ASH1L: variants seen among roughly 807,000 people sequenced by gnomAD.
ASH1L encodes histone-lysine N-methyltransferase ASH1L.
In ASH1L, 23 loss-of-function variants were observed where a neutral mutation model predicts 269.0. The observed-to-expected ratio is 0.09, with a 90% CI of 0.06 to 0.12. ASH1L has a LOEUF of 0.12. Among genes scored for constraint, ASH1L ranks in the 10% least tolerant of loss-of-function variants. ASH1L has a pLI of 1.00. For missense variants in ASH1L, 2,912 were observed against 3,567.8 expected, an observed-to-expected ratio of 0.82 and a Z score of 4.68; for synonymous variants, 1,187 against 1,253.5, an observed-to-expected ratio of 0.95 and a Z score of 1.12.
chr1:155,482,075 T>C lies in ASH1L; in HGVS notation c.795A>G (p.Ile265Met). Reference protein sequence around the residue: ...RKAGVGSVAGIIHKDLIKKPT... With the variant: ...RKAGVGSVAGMIHKDLIKKPT... ...GCTTTTTTATTAAGTCCTTATGTAT[T>C]ATTCCAGCTACAGAGCCAACACCTG... Residue 265 changes from isoleucine to methionine, a missense_variant, in exon 3 of 28, where the codon ATA becomes ATG. Ile to Met is a conservative substitution (Grantham distance 10). Coordinates refer to ENST00000392403, the MANE Select transcript of ASH1L (RefSeq NM_018489.3). 1 of 1,614,130 alleles carries C rather than the reference T, an allele frequency of 6.2e-7. No homozygotes were observed. Among genetic ancestry groups the C allele is most frequent in the Non-Finnish European group, 8.5e-7 (1 of 1,180,016 alleles).
intron 26 of ASH1L, among the ~76,000 whole-genome samples, 168 bp downstream of exon 26, chr1:155,339,160 A>G (rs555494540): frequency 1.2e-4 from 19 of 152,360 alleles, no homozygotes; most frequent in Non-Finnish European, 2.4e-4. Flanking sequence ...TAATGGGACC[A>G]CATCTACTGA....
At chr1:155,387,598 T>C (rs151245542) in intron 7 of ASH1L, among the ~76,000 whole-genome samples, 8 of 152,340 alleles carry the variant, frequency 5.3e-5, no homozygotes, top group African/African-American at 1.9e-4. Flanking sequence ...TTTTTGTGTG[T>C]AGGATTGCCT....
At chr1:155,352,669 A>G in intron 17 of ASH1L, 37 bp downstream of exon 17, 1 of 1,549,366 alleles carries the variant, frequency 6.5e-7, no homozygotes, top group Non-Finnish European at 8.7e-7. Context: ...AAAAAGAAAA[A>G]GAAAAAAAGA....
At chr1:155,365,053 C>G (rs1050339469) in intron 12 of ASH1L, among the ~76,000 whole-genome samples, 2 of 151,056 alleles carry the variant, frequency 1.3e-5, no homozygotes, top group African/African-American at 4.9e-5. Flanking sequence ...TGTGTTCTTT[C>G]TTGTGCGAGA....
At chr1:155,394,173 T>C (rs754556470) in intron 7 of ASH1L, among the ~76,000 whole-genome samples, 8 of 152,138 alleles carry the variant, frequency 5.3e-5, no homozygotes, top group Non-Finnish European at 7.4e-5. Flanking sequence ...AAAAGAGCTT[T>C]TCAGGCAATG....
chr1:155,510,430 A>C (rs1490274594), intron 2 of ASH1L, among the ~76,000 whole-genome samples: 1 of 151,130 alleles, frequency 6.6e-6, no homozygotes, highest in Non-Finnish European at 1.5e-5. Context: ...AAAAAAAAAA[A>C]AAAAAAATTA....
At chr1:155,416,025 A>T (rs1660178985) in intron 5 of ASH1L, 102 bp from the exon 6 acceptor site, 6 of 940,450 alleles carry the variant, frequency 6.4e-6, no homozygotes, top group Non-Finnish European at 9.1e-6. Context: ...AAAAAAAGAG[A>T]TATGGGGACT....
chr1:155,454,847 T>A (rs1663764999), intron 4 of ASH1L, among the ~76,000 whole-genome samples: 1 of 152,192 alleles, frequency 6.6e-6, no homozygotes, highest in Non-Finnish European at 1.5e-5. Context: ...TAAATTGATC[T>A]TAACATAAGT....
chr1:155,421,899 T>C (rs1660715625), intron 5 of ASH1L, among the ~76,000 whole-genome samples: 2 of 152,100 alleles, frequency 1.3e-5, no homozygotes, highest in African/African-American at 4.8e-5. Context: ...TCTGGACAGT[T>C]CAGTGACATC....
intron 3 of ASH1L, among the ~76,000 whole-genome samples, chr1:155,464,339 C>G (rs927726405): frequency 6.6e-6 from 1 of 152,138 alleles, no homozygotes. Context: ...TTTCAAAATA[C>G]TATAAAGCAG....
intron 2 of ASH1L, among the ~76,000 whole-genome samples, chr1:155,505,179 C>T (rs1667734265): frequency 6.6e-6 from 1 of 152,140 alleles, no homozygotes; most frequent in African/African-American, 2.4e-5. Flanking sequence ...TGTTTTACAG[C>T]ACAACTGAGA....
At chr1:155,497,301 T>C (rs888862268) in intron 2 of ASH1L, among the ~76,000 whole-genome samples, 5 of 152,300 alleles carry the variant, frequency 3.3e-5, no homozygotes, top group African/African-American at 1.2e-4. Context: ...GATGAATAAA[T>C]GAAATATGGT....
chr1:155,348,945 C>T (rs892115142), intron 19 of ASH1L, among the ~76,000 whole-genome samples: 44 of 147,172 alleles, frequency 3.0e-4, no homozygotes, highest in African/African-American at 9.5e-4. Flanking sequence ...CACACACACA[C>T]ATATAAACAT....
At chr1:155,420,035 T>C (rs1660537405) in intron 5 of ASH1L, among the ~76,000 whole-genome samples, 1 of 152,092 alleles carries the variant, frequency 6.6e-6, no homozygotes. Flanking sequence ...AGTAGAATAG[T>C]AGCCAGGCAG....
At chr1:155,547,909 G>A (rs1226001278) in intron 1 of ASH1L, among the ~76,000 whole-genome samples, 1 of 152,212 alleles carries the variant, frequency 6.6e-6, no homozygotes, top group Non-Finnish European at 1.5e-5. Context: ...CCGGAAGGTG[G>A]ATCTTGCAGT....
rs1665845500 is a variant in ASH1L at position 155,480,048 on chromosome 1, T to C, written c.2822A>G (p.Gln941Arg). Residue 941 changes from glutamine (Q) to arginine (R), a missense_variant, in exon 3 of 28, where the codon CAA becomes CGA. Gln to Arg is a conservative substitution (Grantham distance 43). This residue lies in a region of ASH1L where 715 missense variants were observed against 721.0 expected (regional missense o/e 0.99). Transcript: ENST00000392403. ...SSSDFFESED[Q>R]LQDPDDLDDS... is the part of the protein sequence containing the mutation. Reference sequence around the variant, plus strand: ...ATCTAGGTCATCTGGATCCTGAAGTTGATCCTCGCTCTCAAAGAAATCACT... The same window carrying C: ...ATCTAGGTCATCTGGATCCTGAAGTCGATCCTCGCTCTCAAAGAAATCACT... 3 of 1,614,146 alleles carry C rather than the reference T, an allele frequency of 1.9e-6. No homozygotes were observed.
chr1:155,359,013 A>G (rs997355504), intron 13 of ASH1L, among the ~76,000 whole-genome samples: 2 of 152,252 alleles, frequency 1.3e-5, no homozygotes, highest in African/African-American at 2.4e-5. Context: ...CCAGCTACTC[A>G]GAAGGTTATG....
At chr1:155,423,429 A>G (rs997170984) in intron 5 of ASH1L, among the ~76,000 whole-genome samples, 2 of 151,868 alleles carry the variant, frequency 1.3e-5, no homozygotes, top group African/African-American at 4.8e-5. Flanking sequence ...AATGCAAAAA[A>G]TTAGCCGGGT....
At chr1:155,512,032 G>A (rs1274062223) in intron 2 of ASH1L, among the ~76,000 whole-genome samples, 2 of 151,644 alleles carry the variant, frequency 1.3e-5, no homozygotes, top group South Asian at 2.1e-4. Context: ...GGCTGGTCTC[G>A]AACTCCCGAC....
Sources: allele counts gnomAD v4.1 joint callset (sites outside exome capture counted in the v4.1 genomes callset), GRCh38; gene constraint gnomAD v4.1.1; regional missense constraint gnomAD v4.1.1; transcripts MANE v1.5; gene names NCBI Gene and HGNC (gene_info 2026-07-23, HGNC 2026-07-21).